Variants in SULT1B1 observed in about 807,000 individuals in gnomAD.
The protein encoded by SULT1B1 is sulfotransferase 1B1.
SULT1B1 carries 28 observed loss-of-function variants against 34.6 expected under a neutral mutation model. The ratio of observed to expected loss-of-function variants is 0.81; its 90% CI spans 0.60 to 1.11. The LOEUF is 1.11. Among genes scored for constraint, SULT1B1 ranks in the 50% least tolerant of loss-of-function variants. The pLI is 0.00. For synonymous variants in SULT1B1, 147 were observed against 110.2 expected (o/e 1.33, Z -2.09); for missense variants, 374 against 352.2 (o/e 1.06, Z -0.50).
intron 4 of SULT1B1, among the ~76,000 whole-genome samples, chr4:69,748,428 G>C (rs763638651): frequency 9.9e-5 from 15 of 152,172 alleles, no homozygotes; most frequent in Admixed American, 5.9e-4. Context: ...TCATAGTTGA[G>C]CATGTTTACA....
intron 1 of SULT1B1, chr4:69,758,491 T>C: frequency 1.0e-6 from 1 of 984,248 alleles, no homozygotes; most frequent in Non-Finnish European, 1.2e-6. Context: ...CCAAATTATC[T>C]AAAGGGAAAT....
chr4:69,727,321 C>T, intron 7 of SULT1B1, 121 bp from the exon 8 acceptor site: 1 of 598,620 alleles, frequency 1.7e-6, no homozygotes, highest in Non-Finnish European at 2.6e-6. Flanking sequence ...TGAATGAATT[C>T]AAACAGTCTT....
chr4:69,728,711 A>G (rs1321751911), intron 7 of SULT1B1, among the ~76,000 whole-genome samples: 3 of 152,048 alleles, frequency 2.0e-5, no homozygotes, highest in Admixed American at 6.6e-5. Context: ...AATGCTTTTT[A>G]CTTCTGTATG....
intron 4 of SULT1B1, among the ~76,000 whole-genome samples, chr4:69,741,879 C>T (rs577143101): frequency 5.4e-4 from 82 of 152,218 alleles, no homozygotes; most frequent in African/African-American, 2.0e-3. Flanking sequence ...TTATTTCTTT[C>T]TTTTGTCTGA....
intron 4 of SULT1B1, among the ~76,000 whole-genome samples, chr4:69,736,306 G>A (rs1718306782): frequency 6.6e-6 from 1 of 152,194 alleles, no homozygotes; most frequent in Non-Finnish European, 1.5e-5. Context: ...ATGTTCTAGT[G>A]CTGAGATGGC....
rs375536458 is a variant in SULT1B1, at chr4:69,725,631, T to A, written c.*1457A>T. 2 of 152,038 alleles carry A rather than the reference T, an allele frequency of 1.3e-5. No individual in the cohort carries two copies. Among genetic ancestry groups the A allele is most frequent in the Admixed American group, 6.6e-5 (1 of 15,248 alleles). 9.4% of individuals were successfully genotyped at this position (152,038 alleles called of 1,614,324 possible). Reference sequence around the variant, plus strand: ...GACTTGGAACCAACCCAAATGTCCATCAATGATAGACTGGATTAAGAAAAT... The same window carrying A: ...GACTTGGAACCAACCCAAATGTCCAACAATGATAGACTGGATTAAGAAAAT... On this transcript the variant is annotated 3_prime_UTR_variant, in exon 8 of 8. Coordinates refer to ENST00000310613, the MANE Select transcript of SULT1B1 (RefSeq NM_014465.4).
Position 69,722,022 on chromosome 4 carries a change from G to A in SULT1B1, c.*5066C>T, listed in dbSNP as rs914497391. On this transcript the variant is annotated 3_prime_UTR_variant, in exon 8 of 8. Coordinates refer to ENST00000310613, the MANE Select transcript of SULT1B1 (RefSeq NM_014465.4). The stretch of plus-strand genomic sequence containing the variant: ...TGATTGATTTCAAAGGGTATCAAAT[G>A]TATTTGAATCATAGAAGTGCCACTG... The A allele has an allele frequency of 3.3e-5, 5 of 152,098 alleles. No individual in the cohort carries two copies. Among genetic ancestry groups the A allele is most frequent in the African/African-American group, 7.2e-5 (3 of 41,438 alleles). 9.4% of individuals were successfully genotyped at this position (152,098 alleles called of 1,614,324 possible).
intron 1 of SULT1B1, among the ~76,000 whole-genome samples, chr4:69,756,464 C>T (rs1449976296): frequency 6.6e-6 from 1 of 152,134 alleles, no homozygotes; most frequent in Admixed American, 6.6e-5. Flanking sequence ...AATTGGTAGA[C>T]TGAGTGATTG....
At chr4:69,732,395 A>G (rs1224700210) in intron 6 of SULT1B1, among the ~76,000 whole-genome samples, 1 of 152,136 alleles carries the variant, frequency 6.6e-6, no homozygotes, top group Non-Finnish European at 1.5e-5. Context: ...GTGTTATATA[A>G]AGTAGGATTA....
chr4:69,750,692 G>A (rs955024313), intron 3 of SULT1B1, among the ~76,000 whole-genome samples: 1 of 152,074 alleles, frequency 6.6e-6, no homozygotes, highest in Non-Finnish European at 1.5e-5. Context: ...TTCTCTTAAT[G>A]TTCTATGAAA....
chr4:69,747,150 T>C lies in SULT1B1; in HGVS notation c.375+2571A>G, dbSNP rs187726857. Among the ~76,000 whole-genome samples the C allele has an allele frequency of 5.3e-5, 8 of 152,010 alleles. No homozygotes were observed. The East Asian group carries it at 9.7e-4, about 18-fold the overall frequency. On this transcript the variant is annotated intron_variant, in intron 4 of 7. Coordinates refer to ENST00000310613, the MANE Select transcript of SULT1B1 (RefSeq NM_014465.4). ...CTGGCAAAAGTGCTTCAGCGGAGCATTGGAGATGACATGGGAGAGTGTAAT... is the reference window on the plus strand; with the variant it reads ...CTGGCAAAAGTGCTTCAGCGGAGCACTGGAGATGACATGGGAGAGTGTAAT...
intron 1 of SULT1B1, chr4:69,760,103 G>A (rs1230386630): frequency 4.4e-6 from 1 of 226,442 alleles, no homozygotes; most frequent in Non-Finnish European, 7.3e-6. Context: ...AAAGGTGTGT[G>A]TATGTGCATA....
At chr4:69,751,619 T>G (rs938391019) in intron 3 of SULT1B1, among the ~76,000 whole-genome samples, 1 of 152,032 alleles carries the variant, frequency 6.6e-6, no homozygotes, top group Admixed American at 6.6e-5. Flanking sequence ...GCCCGGCTAA[T>G]TTTTTGTATA....
rs777460622 is a variant in SULT1B1 at position 69,755,134 on chromosome 4, C to A, written c.84G>T (p.Trp28Cys). 7 of 1,613,840 alleles carry A rather than the reference C, an allele frequency of 4.3e-6. No individual in the cohort carries two copies. The East Asian group carries it at 1.6e-4, about 36-fold the overall frequency. The change falls in exon 2 of 8, where the codon TGG becomes TGT. Residue 28 changes from tryptophan to cysteine, a missense_variant. Coordinates refer to ENST00000310613, the MANE Select transcript of SULT1B1 (RefSeq NM_014465.4). ...YPMTCAFASN[W>C]EKIEQFHSRP... ...TGCTATGGAACTGTTCAATTTTTTC[C>A]CAGTTGCTTGCAAAAGCACAGGTCA...
chr4:69,721,581 A>G lies in SULT1B1; in HGVS notation c.*5507T>C, dbSNP rs1717670150. The G allele has an allele frequency of 6.6e-6, 1 of 152,118 alleles. No individual in the cohort carries two copies. The highest frequency in any genetic ancestry group is 1.9e-4 in the East Asian group (1 of 5,190). 9.4% of individuals were successfully genotyped at this position (152,118 alleles called of 1,614,324 possible). A position where few individuals can be genotyped will look rare whatever the true frequency, so the allele number is the denominator to read the frequency against. ...ACCTTCAAAAGCCTCCAATGACGCA[A>G]TTTTTATCACACAGAACATAGGGTC... On this transcript the variant is annotated 3_prime_UTR_variant, in exon 8 of 8. Coordinates refer to ENST00000310613, the MANE Select transcript of SULT1B1 (RefSeq NM_014465.4).
At chr4:69,733,647 A>G (rs1718176879) in intron 5 of SULT1B1, 140 bp from the exon 6 acceptor site, 1 of 596,418 alleles carries the variant, frequency 1.7e-6, no homozygotes, top group Non-Finnish European at 2.7e-6. Context: ...TAAAAAGTAA[A>G]ATTAGCTATT....
Position 69,723,903 on chromosome 4 carries a change from C to A in SULT1B1, c.*3185G>T, listed in dbSNP as rs1322289482. On this transcript the variant is annotated 3_prime_UTR_variant, in exon 8 of 8. Transcript: ENST00000310613. ...AATAAGGAGAGCCCTCTATGACAAA[C>A]CACCAGCCAATATCATACTGCATGG... is the stretch of plus-strand genomic sequence containing the variant. 6.6e-6 allele frequency: 1 copy of A among 152,192 alleles called. No individual in the cohort carries two copies. The highest frequency in any genetic ancestry group is 1.9e-4 in the East Asian group (1 of 5,184). 9.4% of individuals were successfully genotyped at this position (152,192 alleles called of 1,614,324 possible). A position where few individuals can be genotyped will look rare whatever the true frequency, so the allele number is the denominator to read the frequency against.
In SULT1B1 at chr4:69,743,388, G is replaced by A. The variant is rs141425693; in HGVS notation, c.375+6333C>T. ...CTGGTCTGAGTCTAGGACGTTTTAT[G>A]GGCCTCAGAGGGGAAGAAGTGCAGT... On this transcript the variant is annotated intron_variant, in intron 4 of 7. Coordinates refer to ENST00000310613, the MANE Select transcript of SULT1B1 (RefSeq NM_014465.4). 1.7e-4 allele frequency among the ~76,000 whole-genome samples: 26 copies of A among 152,250 alleles called. No homozygotes were observed. The East Asian group carries it at 1.9e-3, about 11-fold the overall frequency.
intron 6 of SULT1B1, 54 bp downstream of exon 6, chr4:69,733,359 T>C: frequency 7.6e-7 from 1 of 1,312,312 alleles, no homozygotes; most frequent in Admixed American, 2.1e-5. Context: ...TATCAACCCT[T>C]TTACAGCATG....
Sources: allele counts gnomAD v4.1 joint callset (sites outside exome capture counted in the v4.1 genomes callset), GRCh38; gene constraint gnomAD v4.1.1; transcripts MANE v1.5; gene names NCBI Gene and HGNC (gene_info 2026-07-23, HGNC 2026-07-21).